Variants in KYNU observed in about 807,000 individuals in gnomAD.
KYNU encodes the protein L-kynurenine hydrolase.
Under a neutral mutation model 59.2 loss-of-function variants are expected in KYNU, and 54 were observed. That is an observed-to-expected ratio of 0.91 (90% CI 0.73 to 1.14). The LOEUF is 1.14. Among genes scored for constraint, KYNU ranks in the 50% most tolerant of loss-of-function variants. KYNU has a pLI of 0.00. For missense variants in KYNU, 567 were observed against 554.4 expected, an observed-to-expected ratio of 1.02 and a Z score of -0.23; for synonymous variants, 177 against 192.0, an observed-to-expected ratio of 0.92 and a Z score of 0.65.
At chr2:142,970,599 A>G (rs2105123226) in intron 8 of KYNU, among the ~76,000 whole-genome samples, 1 of 152,308 alleles carries the variant, frequency 6.6e-6, no homozygotes, top group South Asian at 2.1e-4. Flanking sequence ...AAATTGATGA[A>G]TAAAGGTTAA....
chr2:142,973,404 C>G lies in KYNU; in HGVS notation c.730-11680C>G, dbSNP rs1684791832. The stretch of plus-strand genomic sequence containing the variant: ...TCCTTCTCAGAACCTCAAGCCTACT[C>G]TTTCCAATTACCCTCATATAGGGAA... On this transcript the variant is annotated intron_variant, in intron 8 of 13. Transcript: ENST00000264170. Among the ~76,000 whole-genome samples, 4 of 152,270 alleles carry G rather than the reference C, an allele frequency of 2.6e-5. No homozygotes were observed. In the South Asian group the frequency reaches 8.3e-4, roughly 32 times the overall value.
At chr2:142,992,228 T>C (rs147590221) in intron 10 of KYNU, among the ~76,000 whole-genome samples, 405 of 151,916 alleles carry the variant, frequency 2.7e-3, no homozygotes, top group African/African-American at 9.5e-3. Context: ...CATTTGACAA[T>C]GTACTTCAAA....
intron 10 of KYNU, among the ~76,000 whole-genome samples, chr2:143,016,247 T>C (rs1052620135): frequency 6.6e-6 from 1 of 152,242 alleles, no homozygotes; most frequent in Non-Finnish European, 1.5e-5. Flanking sequence ...GAATAAGATT[T>C]ATGTACTTCA....
chr2:143,018,005 C>T (rs1294107682), intron 10 of KYNU, among the ~76,000 whole-genome samples: 7 of 151,472 alleles, frequency 4.6e-5, no homozygotes, highest in Admixed American at 4.6e-4. Context: ...ATATTTAGTT[C>T]AATTGCTTAA....
At chr2:142,975,618 C>T (rs1388755877) in intron 8 of KYNU, among the ~76,000 whole-genome samples, 1 of 152,186 alleles carries the variant, frequency 6.6e-6, no homozygotes, top group Non-Finnish European at 1.5e-5. Context: ...AGCACACACT[C>T]GCCTGCATGC....
At chr2:142,896,553 T>C (rs1198670715) in intron 2 of KYNU, among the ~76,000 whole-genome samples, 1 of 152,200 alleles carries the variant, frequency 6.6e-6, no homozygotes, top group Non-Finnish European at 1.5e-5. Context: ...TTTTGTTTTT[T>C]GTTTTTTTAA....
intron 11 of KYNU, among the ~76,000 whole-genome samples, chr2:143,030,652 G>T (rs62169949): frequency 0.21 from 24,430 of 114,822 alleles, 2,560 homozygotes; most frequent in South Asian, 0.41. Flanking sequence ...TGATGATGAT[G>T]CTGATTATTA....
Position 142,918,617 on chromosome 2 carries a change from T to C in KYNU, c.178T>C (p.Ser60Pro). ...KIQDLPPVDL[S>P]LVNKDENAIY... ...CATTTCTTCTGTTTCAGTTGATTTATCATTAGTGAATAAAGATGAAAATGC... is the reference window on the plus strand; with the variant it reads ...CATTTCTTCTGTTTCAGTTGATTTACCATTAGTGAATAAAGATGAAAATGC... The change falls in exon 3 of 14, where the codon TCA (serine) becomes CCA (proline). Residue 60 changes from serine to proline, a missense_variant. Transcript: ENST00000264170. 1 of 1,588,112 alleles carries C rather than the reference T, an allele frequency of 6.3e-7. No individual in the cohort carries two copies. Among genetic ancestry groups the C allele is most frequent in the South Asian group, 1.1e-5 (1 of 87,072 alleles).
chr2:143,021,025 T>A (rs961642149), intron 10 of KYNU, among the ~76,000 whole-genome samples: 8 of 152,194 alleles, frequency 5.3e-5, no homozygotes, highest in African/African-American at 1.9e-4. Flanking sequence ...AATTTGTATT[T>A]ATATTATTAG....
intron 4 of KYNU, among the ~76,000 whole-genome samples, chr2:142,933,983 A>T (rs1043263890): frequency 7.2e-5 from 11 of 152,308 alleles, no homozygotes; most frequent in Middle Eastern, 6.8e-3. Context: ...GTGGTATTAG[A>T]CAGAATTACG....
chr2:143,028,962 C>T (rs1475730466), intron 10 of KYNU, among the ~76,000 whole-genome samples: 1 of 152,136 alleles, frequency 6.6e-6, no homozygotes, highest in Non-Finnish European at 1.5e-5. Flanking sequence ...GTACATTTCT[C>T]TTTAGAGATT....
At chr2:142,993,826 C>A (rs1685468436) in intron 10 of KYNU, among the ~76,000 whole-genome samples, 1 of 151,916 alleles carries the variant, frequency 6.6e-6, no homozygotes, top group Non-Finnish European at 1.5e-5. Context: ...AGTATAAAAA[C>A]ATACATTAAA....
chr2:142,934,507 G>A (rs1683322955), intron 4 of KYNU, among the ~76,000 whole-genome samples: 1 of 152,104 alleles, frequency 6.6e-6, no homozygotes, highest in South Asian at 2.1e-4. Context: ...GTGAGTGAAG[G>A]AAAAGGTGTA....
At chr2:142,892,906 G>A (rs1573756567) in intron 2 of KYNU, among the ~76,000 whole-genome samples, 1 of 152,310 alleles carries the variant, frequency 6.6e-6, no homozygotes, top group South Asian at 2.1e-4. Flanking sequence ...AAGAAGAAAA[G>A]ACAAATAATG....
At chr2:143,028,334 C>G in intron 10 of KYNU, among the ~76,000 whole-genome samples, 1 of 149,562 alleles carries the variant, frequency 6.7e-6, no homozygotes, top group Admixed American at 6.6e-5. Flanking sequence ...CAACCTCCCC[C>G]TCTGGGTTCA....
chr2:142,985,252 C>A, intron 9 of KYNU, 70 bp downstream of exon 9: 2 of 927,326 alleles, frequency 2.2e-6, no homozygotes, highest in South Asian at 1.3e-5. Flanking sequence ...GAAACTGGGT[C>A]TGTGGGCCAA....
Position 142,983,607 on chromosome 2 carries a change from AAGC to A in KYNU, c.730-1471_730-1469del, listed in dbSNP as rs571265607. On this transcript the variant is annotated intron_variant, in intron 8 of 13. Transcript: ENST00000264170. ...TCTTTCATATTACTAGGATACACTT[AAGC>A]AGCAGTTCAGAAACTTTTTAGAAAA... Among the ~76,000 whole-genome samples, 21 of 152,204 alleles carry A rather than the reference AAGC, an allele frequency of 1.4e-4. No homozygotes were observed. The East Asian group carries it at 4.1e-3, about 29-fold the overall frequency.
chr2:142,914,343 T>C (rs1267798768), intron 2 of KYNU, among the ~76,000 whole-genome samples: 1 of 152,230 alleles, frequency 6.6e-6, no homozygotes, highest in Non-Finnish European at 1.5e-5. Flanking sequence ...AATCCCAACA[T>C]GACATCTTAG....
intron 2 of KYNU, among the ~76,000 whole-genome samples, chr2:142,902,445 T>C: frequency 6.6e-6 from 1 of 152,196 alleles, no homozygotes; most frequent in African/African-American, 2.4e-5. Flanking sequence ...GCTTCCTTAA[T>C]TAGTGTATAT....
Sources: gnomAD v4.1 joint callset for allele counts (sites outside exome capture counted in the v4.1 genomes callset) on GRCh38, gnomAD v4.1.1 for gene constraint, MANE v1.5 for transcripts, NCBI Gene and HGNC (gene_info 2026-07-23, HGNC 2026-07-21) for gene names.